The following DZANK1 variants were observed in gnomAD, a reference collection of about 807,000 sequenced individuals.
DZANK1 encodes double zinc ribbon and ankyrin repeat domains 1, also known as double zinc ribbon and ankyrin repeat-containing protein 1.
Under a neutral mutation model 94.5 loss-of-function variants are expected in DZANK1, and 91 were observed. The observed-to-expected ratio is 0.96, with a 90% CI of 0.81 to 1.15. The LOEUF is 1.15. DZANK1 is among the 50% of genes most tolerant of loss of function. DZANK1 has a pLI of 0.00. For missense variants in DZANK1, 903 were observed against 916.4 expected, an observed-to-expected ratio of 0.99 and a Z score of 0.19; for synonymous variants, 312 against 325.3, an observed-to-expected ratio of 0.96 and a Z score of 0.44.
chr20:18,449,650 C>T (rs1456419876), intron 6 of DZANK1, among the ~76,000 whole-genome samples: 1 of 148,924 alleles, frequency 6.7e-6, no homozygotes, highest in Non-Finnish European at 1.5e-5. Flanking sequence ...CCCAGCTACT[C>T]GGGAGGCTGA....
chr20:18,412,465 A>G (rs2057302703), intron 13 of DZANK1, among the ~76,000 whole-genome samples, 181 bp downstream of exon 13: 1 of 152,244 alleles, frequency 6.6e-6, no homozygotes, highest in Admixed American at 6.5e-5. Flanking sequence ...AAAGTTTAAG[A>G]AGGAGCTTAC....
intron 10 of DZANK1, among the ~76,000 whole-genome samples, chr20:18,416,128 T>C (rs1308141212): frequency 2.0e-5 from 3 of 151,312 alleles, no homozygotes; most frequent in Non-Finnish European, 4.4e-5. Context: ...ACCTGGGAGG[T>C]GGGTGCTGTC....
intron 5 of DZANK1, 76 bp from the exon 6 acceptor site, chr20:18,452,815 G>A: frequency 7.1e-7 from 1 of 1,410,470 alleles, no homozygotes; most frequent in Non-Finnish European, 9.4e-7. Flanking sequence ...CTTCACAGCG[G>A]GAGACCTTTT....
Position 18,460,374 on chromosome 20 carries a change from G to A in DZANK1, c.110-68C>T. On this transcript the variant is annotated intron_variant, in intron 2 of 20. Coordinates refer to ENST00000262547, the Ensembl canonical transcript of DZANK1. ...AGCAAGTCCCTGAATAATGCCTATA[G>A]GTCAGTTTAAGATCTAAGTGTGTGA... The A allele has an allele frequency of 2.6e-6, 3 of 1,176,138 alleles. No homozygotes were observed. The South Asian group carries it at 6.5e-5, about 25-fold the overall frequency. The allele number at this position is 1,176,138 out of a possible 1,614,324, so 72.9% of individuals were successfully genotyped here. A position where few individuals can be genotyped will look rare whatever the true frequency, so the allele number is the denominator to read the frequency against.
rs371169404 is a variant in DZANK1, at chr20:18,465,378, C to CTA, written c.-19-2_-19-1insTA. On this transcript the variant is annotated splice_acceptor_variant, in intron 1 of 20. Coordinates refer to ENST00000262547, the Ensembl canonical transcript of DZANK1. LOFTEE classifies it low-confidence loss of function (5UTR_SPLICE). ...AGTCATTTTCTCTCTCTCTCTCTCTCTCTATATATATATACATATAAATTC... is the reference window on the plus strand; with the variant it reads ...AGTCATTTTCTCTCTCTCTCTCTCTCTATCTATATATATATACATATAAATTC... The CTA allele has an allele frequency of 3.3e-3, 3,966 of 1,202,828 alleles. 14 individuals are homozygous for CTA. Among genetic ancestry groups the CTA allele is most frequent in the African/African-American group, 0.017 (1,029 of 61,560 alleles). The allele number at this position is 1,202,828 out of a possible 1,614,324, so 74.5% of individuals were successfully genotyped here.
exon 21 of DZANK1, chr20:18,384,164 AT>A (rs2048341275): frequency 9.4e-6 from 3 of 318,666 alleles, no homozygotes; most frequent in Non-Finnish European, 1.7e-5. Context: ...GGTTCAAGCG[AT>A]TTTCCTGCCT....
rs200657977 is a variant in DZANK1, at chr20:18,421,732, A to C, written c.954+5335T>G. 2.6e-5 allele frequency among the ~76,000 whole-genome samples: 4 copies of C among 152,158 alleles called. No homozygotes were observed. The East Asian group carries it at 7.7e-4, about 29-fold the overall frequency. On this transcript the variant is annotated intron_variant, in intron 10 of 20. Transcript: ENST00000262547. Reference sequence around the variant, plus strand: ...ATCCAGGAATAATGGTATGTCCCATAGGCTTTTGAAAAAATCTCTCCCTGG... The same window carrying C: ...ATCCAGGAATAATGGTATGTCCCATCGGCTTTTGAAAAAATCTCTCCCTGG...
intron 3 of DZANK1, among the ~76,000 whole-genome samples, chr20:18,457,830 G>A (rs1400313741): frequency 2.0e-5 from 3 of 152,184 alleles, no homozygotes; most frequent in Admixed American, 6.5e-5. Flanking sequence ...AGGCAACCAT[G>A]TGCCTGGCTA....
chr20:18,413,399 T>C (rs1179515220), intron 12 of DZANK1, among the ~76,000 whole-genome samples: 1 of 152,180 alleles, frequency 6.6e-6, no homozygotes, highest in African/African-American at 2.4e-5. Flanking sequence ...CAGTCAAGTG[T>C]CTTGAGAAAA....
chr20:18,453,462 A>G (rs928464517), intron 5 of DZANK1, among the ~76,000 whole-genome samples: 1 of 151,264 alleles, frequency 6.6e-6, no homozygotes, highest in East Asian at 1.9e-4. Context: ...AAACCCTACA[A>G]CTCCAGCATT....
At chr20:18,411,771 A>AT (rs1301459036) in intron 13 of DZANK1, among the ~76,000 whole-genome samples, 1 of 152,196 alleles carries the variant, frequency 6.6e-6, no homozygotes, top group Non-Finnish European at 1.5e-5. Flanking sequence ...AGACTGGGTA[A>AT]TTTATAAAGA....
At chr20:18,458,818 C>G (rs117574330) in intron 3 of DZANK1, among the ~76,000 whole-genome samples, 6 of 152,196 alleles carry the variant, frequency 3.9e-5, no homozygotes, top group African/African-American at 9.7e-5. Flanking sequence ...TATTCTACCC[C>G]CTAAGATCCA....
rs145978370 is a variant in DZANK1, at chr20:18,422,995, A to C, written c.954+4072T>G. Among the ~76,000 whole-genome samples, 715 of 152,146 alleles carry C rather than the reference A, an allele frequency of 4.7e-3. 8 individuals carry two copies. The highest frequency in any genetic ancestry group is 0.017 in the African/African-American group (686 of 41,514). On this transcript the variant is annotated intron_variant, in intron 10 of 20. Transcript: ENST00000262547. ...AATTCCTCCAGTCCATGAACATGGG[A>C]TATCTTTCCATTTATAGTCATGCAC...
intron 7 of DZANK1, among the ~76,000 whole-genome samples, chr20:18,447,493 A>AT (rs201030047): frequency 0.31 from 46,252 of 150,856 alleles, 7,179 homozygotes; most frequent in South Asian, 0.4. Flanking sequence ...CGCACAGCTA[A>AT]TTTTTTGTAT....
intron 9 of DZANK1, among the ~76,000 whole-genome samples, chr20:18,427,596 T>G (rs571357502): frequency 7.1e-6 from 1 of 141,188 alleles, no homozygotes; most frequent in African/African-American, 2.7e-5. Flanking sequence ...ACTGGTTATG[T>G]GTAAGGTTGG....
chr20:18,419,905 A>AC (rs34430254), intron 10 of DZANK1, among the ~76,000 whole-genome samples: 42 of 151,328 alleles, frequency 2.8e-4, no homozygotes, highest in Non-Finnish European at 4.9e-4. Context: ...AAAAAAACAA[A>AC]CAGCTTTATC....
exon 6 of DZANK1, chr20:18,452,639 AGAACCT>A: frequency 1.3e-6 from 2 of 1,596,960 alleles, no homozygotes; most frequent in Non-Finnish European, 1.7e-6. Context: ...TGGGTGGTCT[AGAACCT>A]GATCCTCCAC....
intron 8 of DZANK1, among the ~76,000 whole-genome samples, chr20:18,440,640 G>A (rs1004900965): frequency 6.6e-6 from 1 of 152,136 alleles, no homozygotes; most frequent in Non-Finnish European, 1.5e-5. Context: ...CCTGTGAGGA[G>A]AATAAACATC....
At chr20:18,396,481 G>A in exon 15 of DZANK1, 1 of 1,612,854 alleles carries the variant, frequency 6.2e-7, no homozygotes, top group Non-Finnish European at 8.5e-7. Context: ...CCTTGTTTGA[G>A]ACTTGACTAT....
Sources: gnomAD v4.1 joint callset for allele counts (sites outside exome capture counted in the v4.1 genomes callset) on GRCh38, gnomAD v4.1.1 for gene constraint, MANE v1.5 for transcripts, NCBI Gene and HGNC (gene_info 2026-07-23, HGNC 2026-07-21) for gene names.